The following LRBA variants were observed in gnomAD, a reference collection of about 807,000 sequenced individuals.
LRBA encodes lipopolysaccharide-responsive and beige-like anchor protein.
In LRBA, 176 loss-of-function variants were observed where a neutral mutation model predicts 330.0. That is an observed-to-expected ratio of 0.53 (90% CI 0.47 to 0.60). LRBA has a LOEUF of 0.60. Ranked by LOEUF, LRBA falls within the 20% of genes least tolerant of loss-of-function variation. The probability of loss-of-function intolerance (pLI) is 0.00; values close to 1 mark genes in which losing one functional copy is unlikely to be tolerated. For synonymous variants in LRBA, 1,230 were observed against 1,193.0 expected, an observed-to-expected ratio of 1.03 and a Z score of -0.64; for missense variants, 3,259 against 3,444.8, an observed-to-expected ratio of 0.95 and a Z score of 1.35.
chr4:150,267,311 T>TAAAG (rs1392454552), intron 56 of LRBA, among the ~76,000 whole-genome samples: 1 of 152,144 alleles, frequency 6.6e-6, no homozygotes, highest in Non-Finnish European at 1.5e-5. Context: ...AATGACTTAG[T>TAAAG]AAAGATTAAA....
chr4:150,562,496 C>A (rs1030045698), intron 40 of LRBA, among the ~76,000 whole-genome samples: 2 of 152,048 alleles, frequency 1.3e-5, no homozygotes, highest in Non-Finnish European at 2.9e-5. Flanking sequence ...CCTCCCACAC[C>A]CTGCTATGTA....
intron 5 of LRBA, among the ~76,000 whole-genome samples, chr4:150,920,523 T>C (rs1733137482): frequency 1.3e-5 from 2 of 152,190 alleles, no homozygotes; most frequent in South Asian, 4.1e-4. Context: ...CACTCCAGCC[T>C]GGGCAACAAG....
At chr4:150,399,452 T>C (rs1054256642) in intron 47 of LRBA, among the ~76,000 whole-genome samples, 4 of 152,168 alleles carry the variant, frequency 2.6e-5, no homozygotes, top group African/African-American at 9.7e-5. Context: ...TCAGCAAACA[T>C]GACCATGATA....
chr4:150,823,647 A>T (rs764299395), intron 30 of LRBA, among the ~76,000 whole-genome samples: 4 of 152,138 alleles, frequency 2.6e-5, no homozygotes, highest in Non-Finnish European at 5.9e-5. Context: ...GTATATAGTA[A>T]GAGATAAAGG....
At chr4:150,730,413 TG>T (rs1730280571) in intron 36 of LRBA, among the ~76,000 whole-genome samples, 1 of 152,126 alleles carries the variant, frequency 6.6e-6, no homozygotes, top group Non-Finnish European at 1.5e-5. Flanking sequence ...CCGGGTGCAG[TG>T]GCTCATGTCT....
chr4:150,878,709 A>G (rs765426366), intron 17 of LRBA, among the ~76,000 whole-genome samples: 1 of 152,074 alleles, frequency 6.6e-6, no homozygotes, highest in Non-Finnish European at 1.5e-5. Context: ...AATTATGAAC[A>G]CCTCTATGCA....
chr4:150,825,246 A>T (rs1004520029), intron 30 of LRBA, among the ~76,000 whole-genome samples: 2 of 152,236 alleles, frequency 1.3e-5, no homozygotes, highest in African/African-American at 4.8e-5. Flanking sequence ...ATTAATGCAT[A>T]CTGTACTACT....
intron 36 of LRBA, among the ~76,000 whole-genome samples, chr4:150,711,374 T>C (rs918456678): frequency 1.3e-5 from 2 of 152,038 alleles, no homozygotes; most frequent in Admixed American, 6.6e-5. Context: ...TAGCTGGAAC[T>C]ACAGGTGTGC....
chr4:150,332,403 AC>A (rs1734105101), intron 48 of LRBA, among the ~76,000 whole-genome samples: 1 of 152,048 alleles, frequency 6.6e-6, no homozygotes, highest in Admixed American at 6.6e-5. Context: ...ATAAACTTTT[AC>A]TGCCTATTTA....
Position 150,302,656 on chromosome 4 carries a change from T to C in LRBA, c.7986A>G (p.Gly2662=). 1 of 1,612,164 alleles carries C rather than the reference T, an allele frequency of 6.2e-7. No homozygotes were observed. Among genetic ancestry groups the C allele is most frequent in the Non-Finnish European group, 8.5e-7 (1 of 1,178,924 alleles). Residue 2662 remains glycine (G), a synonymous_variant, in exon 53 of 57, where the codon GGA becomes GGG. Transcript: ENST00000651943. ...DATLLLWYWN[G]KCSGIGDNPG... is the part of the protein sequence containing the mutation. ...GGTTATCTCCAATCCCACTGCATTT[T>C]CCATTCCAATACCACAGCAAAAGAG... is the stretch of plus-strand genomic sequence containing the variant.
intron 47 of LRBA, among the ~76,000 whole-genome samples, chr4:150,375,835 G>T (rs558607336): frequency 3.3e-5 from 5 of 151,946 alleles, no homozygotes; most frequent in African/African-American, 1.2e-4. Flanking sequence ...CTTGTTTTCT[G>T]AAAGAAAACT....
At chr4:150,843,621 T>C (rs1308483434) in intron 28 of LRBA, among the ~76,000 whole-genome samples, 1 of 152,152 alleles carries the variant, frequency 6.6e-6, no homozygotes, top group Non-Finnish European at 1.5e-5. Flanking sequence ...ATATCCAATA[T>C]TCAGTAAAAT....
chr4:150,799,712 C>T (rs1741309574), intron 33 of LRBA, among the ~76,000 whole-genome samples: 1 of 152,114 alleles, frequency 6.6e-6, no homozygotes, highest in African/African-American at 2.4e-5. Flanking sequence ...TCCTTTGTCC[C>T]TCTTACCACA....
chr4:150,877,815 A>C (rs1000001906), intron 17 of LRBA, among the ~76,000 whole-genome samples: 1 of 152,254 alleles, frequency 6.6e-6, no homozygotes, highest in Non-Finnish European at 1.5e-5. Flanking sequence ...AAAAAATTGA[A>C]ATCATGCCAA....
chr4:150,425,115 C>G (rs1749390850), intron 46 of LRBA, among the ~76,000 whole-genome samples: 3 of 152,070 alleles, frequency 2.0e-5, no homozygotes, highest in South Asian at 4.2e-4. Flanking sequence ...GATACAATAC[C>G]AAATATTACA....
At chr4:150,717,961 T>C (rs1403286975) in intron 36 of LRBA, among the ~76,000 whole-genome samples, 1 of 152,108 alleles carries the variant, frequency 6.6e-6, no homozygotes, top group Non-Finnish European at 1.5e-5. Context: ...TACAGATATA[T>C]CACATTAGTT....
At chr4:150,734,120 T>C (rs1730875369) in intron 36 of LRBA, among the ~76,000 whole-genome samples, 1 of 152,170 alleles carries the variant, frequency 6.6e-6, no homozygotes, top group Admixed American at 6.5e-5. Context: ...ACCATATTTG[T>C]ATTGTTTTCT....
At chr4:150,990,440 A>G (rs1579423384) in intron 2 of LRBA, among the ~76,000 whole-genome samples, 1 of 152,126 alleles carries the variant, frequency 6.6e-6, no homozygotes, top group Non-Finnish European at 1.5e-5. Flanking sequence ...TCTAAAAGTA[A>G]TATTTTGCTG....
At chr4:150,610,450 G>A (rs573253410) in intron 37 of LRBA, among the ~76,000 whole-genome samples, 44 of 152,144 alleles carry the variant, frequency 2.9e-4, no homozygotes, top group Non-Finnish European at 5.0e-4. Flanking sequence ...TTATCTGGGC[G>A]TGGTGGTGTG....
Sources: gnomAD v4.1 joint callset for allele counts (sites outside exome capture counted in the v4.1 genomes callset) on GRCh38, gnomAD v4.1.1 for gene constraint, MANE v1.5 for transcripts, NCBI Gene and HGNC (gene_info 2026-07-23, HGNC 2026-07-21) for gene names.